The following IFRD1 variants were observed in gnomAD, a reference collection of about 807,000 sequenced individuals.
IFRD1 encodes the protein interferon-related developmental regulator 1.
A neutral mutation model predicts 52.9 loss-of-function variants in IFRD1; 35 were observed. The ratio of observed to expected loss-of-function variants is 0.66; its 90% CI spans 0.51 to 0.88. The LOEUF is 0.88. Among genes scored for constraint, IFRD1 ranks in the 40% least tolerant of loss-of-function variants. The pLI is 0.00. For synonymous variants in IFRD1, 184 were observed against 188.4 expected (o/e 0.98, Z 0.19); for missense variants, 517 against 550.8 (o/e 0.94, Z 0.61).
At chr7:112,452,528 A>G in intron 1 of IFRD1, 1 of 795,292 alleles carries the variant, frequency 1.3e-6, no homozygotes. Context: ...ATTTTATTCT[A>G]TTACCCTTTT....
At chr7:112,466,628 G>A (rs575011622) in intron 8 of IFRD1, among the ~76,000 whole-genome samples, 74 of 152,224 alleles carry the variant, frequency 4.9e-4, no homozygotes, top group Non-Finnish European at 8.8e-4. Flanking sequence ...GATAATCACT[G>A]GCAGTGATTC....
intron 1 of IFRD1, among the ~76,000 whole-genome samples, chr7:112,455,338 T>C (rs967061188): frequency 3.3e-5 from 5 of 151,834 alleles, no homozygotes; most frequent in Admixed American, 2.6e-4. Flanking sequence ...ACAAAAAATT[T>C]GTCAGGCGTG....
At chr7:112,443,589 C>T (rs747542757) in intron 1 of IFRD1, among the ~76,000 whole-genome samples, 3 of 142,988 alleles carry the variant, frequency 2.1e-5, no homozygotes, top group African/African-American at 7.9e-5. Context: ...CCCCCAAAAA[C>T]GGCCGAGTGT....
chr7:112,452,317 T>G (rs1795185995), intron 1 of IFRD1: 1 of 316,512 alleles, frequency 3.2e-6, no homozygotes, highest in Non-Finnish European at 4.6e-6. Flanking sequence ...TGTGACACCA[T>G]TCCTGGCTAT....
chr7:112,460,337 T>G (rs1258600202), intron 5 of IFRD1, among the ~76,000 whole-genome samples: 1 of 138,764 alleles, frequency 7.2e-6, no homozygotes, highest in South Asian at 2.5e-4. Flanking sequence ...CTCCACCTCC[T>G]GGGCTCAGGT....
chr7:112,472,255 C>T lies in IFRD1; in HGVS notation c.1078C>T (p.Pro360Ser). The change falls in exon 10 of 12, where the codon CCT (proline) becomes TCT (serine). Residue 360 changes from proline (P) to serine (S), a missense_variant. Transcript: ENST00000403825. ...DFPTETIKFG[P>S]ERMYIDCWVK... ...TCCAACAGAAACCATTAAATTTGGT[C>T]CTGAACGCATGTATATTGATTGCTG... is the stretch of plus-strand genomic sequence containing the variant. The T allele has an allele frequency of 6.2e-7, 1 of 1,613,958 alleles. No individual in the cohort carries two copies. The highest frequency in any genetic ancestry group is 1.1e-5 in the South Asian group (1 of 91,068).
At chr7:112,445,759 T>C (rs1795014005), upstream of IFRD1, among the ~76,000 whole-genome samples, 1 of 152,210 alleles carries the variant, frequency 6.6e-6, no homozygotes. Context: ...AGACTTGGTG[T>C]TCTGTTTCTA....
intron 1 of IFRD1, among the ~76,000 whole-genome samples, chr7:112,429,252 A>G (rs541354032): frequency 1.3e-5 from 2 of 152,150 alleles, no homozygotes; most frequent in Non-Finnish European, 2.9e-5. Flanking sequence ...TGTGTTTGGC[A>G]TGTCTTGTAC....
At chr7:112,459,369 T>C (rs1795375259) in intron 5 of IFRD1, among the ~76,000 whole-genome samples, 1 of 152,198 alleles carries the variant, frequency 6.6e-6, no homozygotes, top group South Asian at 2.1e-4. Context: ...CACTTGACTT[T>C]AGATTTTGGG....
intron 1 of IFRD1, among the ~76,000 whole-genome samples, chr7:112,444,818 G>C (rs574739196): frequency 6.6e-6 from 1 of 152,230 alleles, no homozygotes; most frequent in South Asian, 2.1e-4. Flanking sequence ...GATGGAGGGG[G>C]AAAGAGTTGA....
At chr7:112,439,494 T>A (rs2117251672) in intron 1 of IFRD1, among the ~76,000 whole-genome samples, 1 of 152,334 alleles carries the variant, frequency 6.6e-6, no homozygotes, top group Admixed American at 6.5e-5. Context: ...AAAGCATTTA[T>A]TATAATCACA....
In IFRD1 at chr7:112,438,400, A is replaced by G. The variant is rs550390685; in HGVS notation, c.-181-12108A>G. 3.9e-5 allele frequency among the ~76,000 whole-genome samples: 6 copies of G among 152,284 alleles called. No homozygotes were observed. The East Asian group carries it at 9.6e-4, about 24-fold the overall frequency. On this transcript the variant is annotated intron_variant, in intron 1 of 12. Coordinates refer to the IFRD1 transcript ENST00000005558. ...AAGCATTGTGCATACCTTTGAGGAG[A>G]AAAATACAGGGGGTGAGGAGAGAGG...
At chr7:112,470,238 A>G (rs1175342541) in intron 9 of IFRD1, among the ~76,000 whole-genome samples, 1 of 152,244 alleles carries the variant, frequency 6.6e-6, no homozygotes. Context: ...CCAAAGGAAT[A>G]CAGAATAGTT....
intron 1 of IFRD1, among the ~76,000 whole-genome samples, chr7:112,434,462 A>C (rs1055870103): frequency 2.0e-5 from 3 of 152,198 alleles, no homozygotes; most frequent in African/African-American, 4.8e-5. Context: ...AATGATGATA[A>C]TGGTGCCACA....
In IFRD1 at chr7:112,472,284, A is replaced by T. The variant is rs368397776; in HGVS notation, c.1107A>T (p.Val369=). ...AACGCATGTATATTGATTGCTGGGT[A>T]AAAAAACACACCTATGACACCTTTA... The part of the protein sequence containing the change: ...GPERMYIDCW[V]KKHTYDTFKE... Residue 369 remains valine (V), a synonymous_variant, in exon 10 of 12, where the codon GTA becomes GTT. Transcript: ENST00000403825. The T allele has an allele frequency of 4.3e-6, 7 of 1,613,816 alleles. No homozygotes were observed. The highest frequency in any genetic ancestry group is 2.7e-5 in the African/African-American group (2 of 75,022).
intron 11 of IFRD1, among the ~76,000 whole-genome samples, chr7:112,473,739 C>T (rs981448293): frequency 2.6e-5 from 4 of 152,016 alleles, no homozygotes; most frequent in Non-Finnish European, 5.9e-5. Flanking sequence ...TTTCAAAAAT[C>T]CTTAATTTAT....
At chr7:112,450,409 G>GACGTC, upstream of IFRD1, 2 of 489,856 alleles carry the variant, frequency 4.1e-6, no homozygotes, top group Non-Finnish European at 7.5e-6. Flanking sequence ...CCCACAGAGT[G>GACGTC]ACGTCAGGTG....
intron 9 of IFRD1, among the ~76,000 whole-genome samples, chr7:112,470,672 T>A (rs1302021976): frequency 1.3e-5 from 2 of 152,150 alleles, no homozygotes; most frequent in African/African-American, 4.8e-5. Flanking sequence ...AGGATCCCCC[T>A]CAGATACCAA....
At chr7:112,445,223 C>G (rs1011365885) in intron 1 of IFRD1, among the ~76,000 whole-genome samples, 7 of 151,990 alleles carry the variant, frequency 4.6e-5, no homozygotes, top group Non-Finnish European at 1.5e-5. Flanking sequence ...CCCGCCACCA[C>G]GCCCGGCTAA....
Sources: allele counts gnomAD v4.1 joint callset (sites outside exome capture counted in the v4.1 genomes callset), GRCh38; gene constraint gnomAD v4.1.1; transcripts MANE v1.5; gene names NCBI Gene and HGNC (gene_info 2026-07-23, HGNC 2026-07-21).